Variants in TATDN1 observed in about 807,000 individuals in gnomAD.
TATDN1 encodes the protein deoxyribonuclease TATDN1.
Under a neutral mutation model 46.4 loss-of-function variants are expected in TATDN1, and 40 were observed. The observed-to-expected ratio is 0.86, with a 90% confidence interval of 0.67 to 1.12. The LOEUF is 1.12. Among genes scored for constraint, TATDN1 ranks in the 50% most tolerant of loss-of-function variants. The pLI, the probability that TATDN1 is intolerant of heterozygous loss-of-function variation, is 0.00. For missense variants in TATDN1, 326 were observed against 348.4 expected (o/e 0.94, Z 0.51); for synonymous variants, 95 against 105.6 (o/e 0.90, Z 0.62).
At chr8:124,535,615 T>C (rs188437940) in intron 1 of TATDN1, among the ~76,000 whole-genome samples, 67 of 152,346 alleles carry the variant, frequency 4.4e-4, no homozygotes, top group African/African-American at 1.6e-3. Context: ...TATGATCTTA[T>C]TTTGTTTGGT....
At position 124,528,243 on chromosome 8, in the gene TATDN1, G is replaced by A. The variant is rs370924479; in HGVS notation, c.23-5241C>T. Among the ~76,000 whole-genome samples the A allele has an allele frequency of 1.1e-4, 17 of 151,910 alleles. No homozygotes were observed. In the East Asian group the frequency reaches 1.6e-3, roughly 14 times the overall value. ...GGCTGGAGTACAGTGGTGCCATCTC[G>A]GCTCACTGCAAGCTCCACCTCCCAG... is the stretch of plus-strand genomic sequence containing the variant. On this transcript the variant is annotated intron_variant, in intron 1 of 11. Coordinates refer to ENST00000276692, the MANE Select transcript of TATDN1 (RefSeq NM_032026.4).
chr8:124,491,976 T>C (rs1817036516), intron 11 of TATDN1, among the ~76,000 whole-genome samples: 1 of 97,982 alleles, frequency 1.0e-5, no homozygotes, highest in Non-Finnish European at 2.0e-5. Flanking sequence ...TTCACAGTTC[T>C]TTTTTTTTTT....
chr8:124,524,334 G>T (rs1182881197), intron 1 of TATDN1, among the ~76,000 whole-genome samples: 2 of 152,172 alleles, frequency 1.3e-5, no homozygotes, highest in Non-Finnish European at 2.9e-5. Context: ...CTTTAAAAGG[G>T]CTATTAACAT....
intron 9 of TATDN1, among the ~76,000 whole-genome samples, chr8:124,499,691 C>A (rs1817779039): frequency 6.6e-6 from 1 of 151,626 alleles, no homozygotes; most frequent in African/African-American, 2.4e-5. Context: ...CTACAGGCGC[C>A]CGCCACCACA....
chr8:124,530,188 A>G (rs2131557237), intron 1 of TATDN1, among the ~76,000 whole-genome samples: 1 of 152,330 alleles, frequency 6.6e-6, no homozygotes, highest in East Asian at 1.9e-4. Flanking sequence ...ACACATCAAA[A>G]CAAGGGGTGA....
chr8:124,512,000 A>G (rs1819061936), intron 6 of TATDN1, among the ~76,000 whole-genome samples: 1 of 152,242 alleles, frequency 6.6e-6, no homozygotes, highest in Admixed American at 6.5e-5. Flanking sequence ...ACATGGTCAT[A>G]CACCGCCTTC....
At chr8:124,497,905 G>A (rs1177963296) in intron 9 of TATDN1, among the ~76,000 whole-genome samples, 1 of 152,132 alleles carries the variant, frequency 6.6e-6, no homozygotes, top group Non-Finnish European at 1.5e-5. Context: ...GTATCTTTCT[G>A]TCAAGTGTTG....
chr8:124,535,129 G>A (rs1313687345), intron 1 of TATDN1, among the ~76,000 whole-genome samples: 1 of 152,126 alleles, frequency 6.6e-6, no homozygotes, highest in Admixed American at 6.5e-5. Context: ...CACATGATGG[G>A]TTTTCCTAGG....
intron 1 of TATDN1, among the ~76,000 whole-genome samples, chr8:124,533,874 C>T (rs900228075): frequency 1.3e-4 from 19 of 151,876 alleles, no homozygotes; most frequent in African/African-American, 2.2e-4. Flanking sequence ...TGGCAGGGCG[C>T]GATGGCTCAC....
chr8:124,517,212 G>A (rs1316794512), intron 4 of TATDN1, among the ~76,000 whole-genome samples: 3 of 152,024 alleles, frequency 2.0e-5, no homozygotes, highest in Admixed American at 1.3e-4. Context: ...GGCAGATCAC[G>A]AGGTCAGGAG....
In TATDN1 at chr8:124,515,677, C is replaced by G. The variant is rs554551814; in HGVS notation, c.389+69G>C. ...ATGCTTAATCCAACTATACTCTCAC[C>G]TGATACAAGATATTTTAAAAATCAC... On this transcript the variant is annotated intron_variant, in intron 6 of 11. Transcript: ENST00000276692. 2.4e-4 allele frequency: 354 copies of G among 1,461,670 alleles called. 1 individual carries two copies. The highest frequency in any genetic ancestry group is 1.1e-3 in the Middle Eastern group (5 of 4,632). The allele number at this position is 1,461,670 out of a possible 1,614,324, so 90.5% of individuals were successfully genotyped here.
intron 8 of TATDN1, among the ~76,000 whole-genome samples, chr8:124,508,224 C>T (rs1586606489): frequency 6.6e-6 from 1 of 152,142 alleles, no homozygotes; most frequent in African/African-American, 2.4e-5. Flanking sequence ...GGAAGGGACT[C>T]AAGTCTAAAC....
chr8:124,515,352 G>A (rs1819371650), intron 6 of TATDN1, among the ~76,000 whole-genome samples: 1 of 152,172 alleles, frequency 6.6e-6, no homozygotes, highest in South Asian at 2.1e-4. Context: ...CTGCACTCCA[G>A]CCTGGGCGAC....
chr8:124,508,349 G>C, intron 8 of TATDN1, 125 bp downstream of exon 8: 1 of 716,086 alleles, frequency 1.4e-6, no homozygotes, highest in Non-Finnish European at 2.3e-6. Flanking sequence ...GAAAGCAAAG[G>C]TGTCATTATC....
intron 1 of TATDN1, among the ~76,000 whole-genome samples, chr8:124,531,508 G>A (rs934983262): frequency 2.0e-5 from 3 of 152,122 alleles, no homozygotes; most frequent in East Asian, 1.9e-4. Flanking sequence ...TGCCTCTGTC[G>A]CTGTGGAATT....
rs1397297824 is a variant in TATDN1 at position 124,515,780 on chromosome 8, G to A, written c.355C>T (p.Arg119Ter). Residue 119 changes from arginine (R) to a stop codon, truncating the protein, a stop_gained, in exon 6 of 12, where the codon CGA becomes TGA. Transcript: ENST00000276692. LOFTEE classifies it high-confidence loss of function. The stretch of plus-strand genomic sequence containing the variant: ...GTATCTTTGGGACAAAACTGCAGTC[G>A]GTCAAAATCTTTAAAAAGATAAAGA... Reference protein sequence around the residue: ...AIGECGLDFDRLQFCPKDTQL... With the variant: ...AIGECGLDFD The A allele has an allele frequency of 5.0e-6, 8 of 1,613,458 alleles. No homozygotes were observed. The highest frequency in any genetic ancestry group is 2.7e-5 in the African/African-American group (2 of 74,928).
intron 4 of TATDN1, among the ~76,000 whole-genome samples, chr8:124,516,752 G>T (rs1819508142): frequency 6.6e-6 from 1 of 152,132 alleles, no homozygotes; most frequent in African/African-American, 2.4e-5. Flanking sequence ...TAATAGTGGG[G>T]GCGATTTAAA....
At chr8:124,531,397 T>C (rs1292066098) in intron 1 of TATDN1, among the ~76,000 whole-genome samples, 1 of 152,198 alleles carries the variant, frequency 6.6e-6, no homozygotes, top group Non-Finnish European at 1.5e-5. Context: ...CCCATTAGAC[T>C]GTTCAACTAG....
chr8:124,515,047 C>T (rs773585880), intron 6 of TATDN1, among the ~76,000 whole-genome samples: 3 of 152,168 alleles, frequency 2.0e-5, no homozygotes, highest in Non-Finnish European at 2.9e-5. Context: ...GCCTCTGCCT[C>T]TCAAACAGCT....
Sources: allele counts gnomAD v4.1 joint callset (sites outside exome capture counted in the v4.1 genomes callset), GRCh38; gene constraint gnomAD v4.1.1; transcripts MANE v1.5; gene names NCBI Gene and HGNC (gene_info 2026-07-23, HGNC 2026-07-21).